Variants in SLC6A13 observed in about 807,000 individuals in gnomAD.
SLC6A13 encodes solute carrier family 6 member 13, also known as sodium- and chloride-dependent GABA transporter 2.
A neutral mutation model predicts 72.9 loss-of-function variants in SLC6A13; 69 were observed. The ratio of observed to expected loss-of-function variants is 0.95; its 90% CI spans 0.78 to 1.16. SLC6A13 has a LOEUF of 1.16. Ranked by LOEUF, SLC6A13 falls within the 50% of genes most tolerant of loss-of-function variation. SLC6A13 has a pLI of 0.00. For synonymous variants in SLC6A13, 303 were observed against 303.0 expected (o/e 1.00, Z 0.00); for missense variants, 735 against 760.5 (o/e 0.97, Z 0.39).
intron 2 of SLC6A13, among the ~76,000 whole-genome samples, chr12:248,668 T>G (rs1942439124): frequency 6.6e-6 from 1 of 152,146 alleles, no homozygotes; most frequent in Non-Finnish European, 1.5e-5. Context: ...ACATATAAAC[T>G]AATTCCTGAT....
Position 251,983 on chromosome 12 carries a change from A to T in SLC6A13, c.202+7868T>A, listed in dbSNP as rs139501218. Reference sequence around the variant, plus strand: ...AGAGTGAGATCCCATCTCAAAAAAAAGAAAAGGAAAATTACAAAACACAGA... The same window carrying T: ...AGAGTGAGATCCCATCTCAAAAAAATGAAAAGGAAAATTACAAAACACAGA... On this transcript the variant is annotated intron_variant, in intron 2 of 14. Coordinates refer to ENST00000343164, the MANE Select transcript of SLC6A13 (RefSeq NM_016615.5). Among the ~76,000 whole-genome samples the T allele has an allele frequency of 4.0e-3, 603 of 152,354 alleles. 5 individuals are homozygous for T. The highest frequency in any genetic ancestry group is 0.014 in the African/African-American group (574 of 41,572).
chr12:238,911 T>C (rs1473784405), intron 4 of SLC6A13, among the ~76,000 whole-genome samples: 1 of 152,118 alleles, frequency 6.6e-6, no homozygotes, highest in Non-Finnish European at 1.5e-5. Flanking sequence ...CCTCGTGGAA[T>C]CTCCATTTTG....
rs770520872 is a variant in SLC6A13, at chr12:243,725, G to A, written c.291C>T (p.Ser97=). Residue 97 remains serine, a synonymous_variant, in exon 3 of 15, where the codon AGC becomes AGT. Coordinates refer to ENST00000343164, the MANE Select transcript of SLC6A13 (RefSeq NM_016615.5). ...LLETALGQYT[S]QGGVTAWRKI... is the part of the protein sequence containing the mutation. ...TCCTCCAGGCTGTGACGCCTCCCTG[G>A]CTAGTGTACTGGCCTAGTGCTGTCT... The A allele has an allele frequency of 1.2e-6, 2 of 1,614,030 alleles. No homozygotes were observed. The highest frequency in any genetic ancestry group is 8.5e-7 in the Non-Finnish European group (1 of 1,179,982).
chr12:227,605 C>A lies in SLC6A13; in HGVS notation c.895G>T (p.Ala299Ser), dbSNP rs747885802. The change falls in exon 8 of 15, where the codon GCC becomes TCC. Residue 299 changes from alanine (A) to serine (S), a missense_variant. Transcript: ENST00000343164. ...SFAICLGCLTALGSYNKYHNN... is the reference protein window; with the variant it reads ...SFAICLGCLTSLGSYNKYHNN... ...TGGTACTTGTTGTAGCTGCCCAGGG[C>A]TGTCAGGCACCCAAGACAGATGGCG... 3 of 1,613,920 alleles carry A rather than the reference C, an allele frequency of 1.9e-6. No individual in the cohort carries two copies.
At chr12:256,933 T>C (rs889264152) in intron 2 of SLC6A13, among the ~76,000 whole-genome samples, 35 of 152,190 alleles carry the variant, frequency 2.3e-4, no homozygotes, top group African/African-American at 7.5e-4. Flanking sequence ...AAGGCCCCAG[T>C]CTGAGAATGG....
At position 220,797 on chromosome 12, in the gene SLC6A13, C is replaced by G; in HGVS notation, c.*151G>C. 1 of 875,258 alleles carries G rather than the reference C, an allele frequency of 1.1e-6. No individual in the cohort carries two copies. The highest frequency in any genetic ancestry group is 2.8e-5 in the East Asian group (1 of 36,058). 54.2% of individuals were successfully genotyped at this position (875,258 alleles called of 1,614,324 possible). ...TGAGCTGAAAAGTTGCAGTGGGAGG[C>G]CTCCAGCTCAGCAGGTGGACTCCAA... is the stretch of plus-strand genomic sequence containing the variant. On this transcript the variant is annotated 3_prime_UTR_variant, in exon 15 of 15. Transcript: ENST00000343164.
At chr12:222,461 C>T (rs185582132) in intron 13 of SLC6A13, 71 bp downstream of exon 13, 118 of 888,280 alleles carry the variant, frequency 1.3e-4, no homozygotes, top group Middle Eastern at 5.3e-4. Flanking sequence ...GCAGGGCTAA[C>T]GGCTTCTCTA....
intron 2 of SLC6A13, among the ~76,000 whole-genome samples, chr12:250,000 A>G (rs1392980644): frequency 6.6e-6 from 1 of 152,150 alleles, no homozygotes; most frequent in African/African-American, 2.4e-5. Context: ...AAATGGATAA[A>G]TAAATAATGT....
At chr12:228,420 C>T (rs926941989) in intron 7 of SLC6A13, among the ~76,000 whole-genome samples, 3 of 152,080 alleles carry the variant, frequency 2.0e-5, no homozygotes, top group African/African-American at 4.8e-5. Context: ...CCCCTGGCGA[C>T]GTGAGCACAA....
chr12:221,109 G>T (rs73038072), intron 14 of SLC6A13, 39 bp from the exon 15 acceptor site: 3 of 1,552,496 alleles, frequency 1.9e-6, no homozygotes, highest in African/African-American at 1.4e-5. Flanking sequence ...GTGGTGGAGC[G>T]GGGGCAGGTC....
rs1389947994 is a variant in SLC6A13, at chr12:224,013, C to T, written c.1290G>A (p.Val430=). 4 of 1,613,356 alleles carry T rather than the reference C, an allele frequency of 2.5e-6. No individual in the cohort carries two copies. Among genetic ancestry groups the T allele is most frequent in the Middle Eastern group, 1.7e-4 (1 of 6,048 alleles). The change falls in exon 11 of 15, where the codon GTG becomes GTA. Residue 430 remains valine (V), a synonymous_variant. Coordinates refer to ENST00000343164, the MANE Select transcript of SLC6A13 (RefSeq NM_016615.5). ...ILGVSVVSFL[V]GLIMLTEGGM... is the part of the protein sequence containing the mutation. ...TCACCTCTGTGAGCATGATCAGCCC[C>T]ACAAGGAAGGAGACGACAGATACTC...
intron 7 of SLC6A13, among the ~76,000 whole-genome samples, chr12:231,992 G>A (rs1222439510): frequency 2.0e-5 from 3 of 152,218 alleles, no homozygotes; most frequent in African/African-American, 7.2e-5. Flanking sequence ...TTGCAGATGT[G>A]AGGATGAAAA....
intron 2 of SLC6A13, among the ~76,000 whole-genome samples, chr12:257,984 A>G (rs1942801738): frequency 6.6e-6 from 1 of 152,148 alleles, no homozygotes; most frequent in South Asian, 2.1e-4. Flanking sequence ...CAGAGTCCCA[A>G]TGCCAGATTA....
At chr12:248,692 GT>G (rs1174700263) in intron 2 of SLC6A13, among the ~76,000 whole-genome samples, 3 of 152,096 alleles carry the variant, frequency 2.0e-5, no homozygotes, top group Non-Finnish European at 4.4e-5. Context: ...TGTTAAAAAC[GT>G]TAATAGCCCT....
chr12:221,051 C>T lies in SLC6A13; in HGVS notation c.1706G>A (p.Cys569Tyr). 7 of 1,608,366 alleles carry T rather than the reference C, an allele frequency of 4.4e-6. No individual in the cohort carries two copies. Among genetic ancestry groups the T allele is most frequent in the Non-Finnish European group, 5.9e-6 (7 of 1,178,208 alleles). Residue 569 changes from cysteine to tyrosine, a missense_variant, in exon 15 of 15, where the codon TGC becomes TAC. Physicochemically the swap from Cys to Tyr is radical, Grantham distance 194. Transcript: ENST00000343164. ...PFRERIRQLM[C>Y]PAEDLPQRNP... Reference sequence around the variant, plus strand: ...CCGCTGGGGCAGGTCCTCGGCTGGGCACATGAGCTGACGGATTCTCTGCGG... The same window carrying T: ...CCGCTGGGGCAGGTCCTCGGCTGGGTACATGAGCTGACGGATTCTCTGCGG...
At chr12:230,515 T>C (rs2137268661) in intron 7 of SLC6A13, among the ~76,000 whole-genome samples, 1 of 152,238 alleles carries the variant, frequency 6.6e-6, no homozygotes, top group South Asian at 2.1e-4. Context: ...GGAAAATGGG[T>C]ATAATAACAA....
intron 7 of SLC6A13, 49 bp from the exon 8 acceptor site, chr12:227,717 A>C (rs1235645809): frequency 2.0e-6 from 3 of 1,495,892 alleles, no homozygotes; most frequent in South Asian, 1.3e-5. Context: ...AAGCCAGGCC[A>C]TTCAAGCCAT....
chr12:261,520 G>A (rs947294055), intron 1 of SLC6A13, among the ~76,000 whole-genome samples: 6 of 152,228 alleles, frequency 3.9e-5, no homozygotes, highest in Non-Finnish European at 8.8e-5. Flanking sequence ...TGGAGAAGGA[G>A]GCAGATGGAC....
chr12:251,790 C>CA (rs35885299), intron 2 of SLC6A13, among the ~76,000 whole-genome samples: 10,840 of 139,562 alleles, frequency 0.078, 409 homozygotes, highest in Non-Finnish European at 0.092. Flanking sequence ...TCGTCTCTAC[C>CA]AAAAAAAAAA....
Sources: allele counts gnomAD v4.1 joint callset (sites outside exome capture counted in the v4.1 genomes callset), GRCh38; gene constraint gnomAD v4.1.1; transcripts MANE v1.5; gene names NCBI Gene and HGNC (gene_info 2026-07-23, HGNC 2026-07-21).